Variants in LRRC8A observed in about 807,000 individuals in gnomAD.
LRRC8A encodes leucine rich repeat containing 8 VRAC subunit A.
LRRC8A carries 24 observed loss-of-function variants against 52.5 expected under a neutral mutation model. The ratio of observed to expected loss-of-function variants is 0.46; its 90% CI spans 0.33 to 0.64. The LOEUF (loss-of-function observed/expected upper bound fraction) is 0.64. Ranked by LOEUF, LRRC8A falls within the 30% of genes least tolerant of loss-of-function variation. LRRC8A has a pLI of 0.02. For missense variants in LRRC8A, 677 were observed against 1,094.7 expected (o/e 0.62, Z 5.38); for synonymous variants, 492 against 494.2 (o/e 1.00, Z 0.06).
intron 3 of LRRC8A, among the ~76,000 whole-genome samples, chr9:128,910,971 C>T (rs1376987363): frequency 1.3e-5 from 2 of 152,182 alleles, no homozygotes; most frequent in Admixed American, 6.5e-5. Context: ...GCTCTGTGTT[C>T]GCCCTGTGCC....
At chr9:128,901,278 CAT>C (rs1329500192) in intron 2 of LRRC8A, among the ~76,000 whole-genome samples, 2 of 152,148 alleles carry the variant, frequency 1.3e-5, no homozygotes, top group Non-Finnish European at 2.9e-5. Flanking sequence ...TCCTGGCCAA[CAT>C]AGTGAAACCC....
At chr9:128,891,007 A>G (rs1433931266) in intron 2 of LRRC8A, among the ~76,000 whole-genome samples, 1 of 151,432 alleles carries the variant, frequency 6.6e-6, no homozygotes, top group Non-Finnish European at 1.5e-5. Context: ...AAATTAGTCC[A>G]GGCACAGTGG....
chr9:128,915,627 G>A lies in LRRC8A; in HGVS notation c.2158-469G>A, dbSNP rs78697916. On this transcript the variant is annotated intron_variant, in intron 3 of 3. Transcript: ENST00000372600. Reference sequence around the variant, plus strand: ...GGCGTGAGCCACCGCACCCGGCCTAGGGGGTGGATTTTCTCAGCATGCTGT... The same window carrying A: ...GGCGTGAGCCACCGCACCCGGCCTAAGGGGTGGATTTTCTCAGCATGCTGT... 5.1e-3 allele frequency among the ~76,000 whole-genome samples: 771 copies of A among 152,304 alleles called. 7 individuals are homozygous for A. Among genetic ancestry groups the A allele is most frequent in the African/African-American group, 0.015 (616 of 41,574 alleles).
rs139975276 is a variant in LRRC8A, at chr9:128,883,910, G to A, written c.-116+1660G>A. Among the ~76,000 whole-genome samples the A allele has an allele frequency of 4.1e-3, 630 of 152,142 alleles. 13 individuals are homozygous for A. Among genetic ancestry groups the A allele is most frequent in the East Asian group, 0.041 (214 of 5,178 alleles). ...AATTGCTTGAACCCAGCAGGCAGAG[G>A]TTGCAGTGAGCCAAGATCGCGCCAT... On this transcript the variant is annotated intron_variant, in intron 1 of 3. Coordinates refer to ENST00000372600, the MANE Select transcript of LRRC8A (RefSeq NM_019594.4).
At chr9:128,910,322 C>A (rs891071964) in intron 3 of LRRC8A, among the ~76,000 whole-genome samples, 1 of 152,196 alleles carries the variant, frequency 6.6e-6, no homozygotes, top group Non-Finnish European at 1.5e-5. Context: ...CTTCTGCCCC[C>A]GACACAGCAG....
At chr9:128,888,450 G>A (rs995690913) in intron 2 of LRRC8A, among the ~76,000 whole-genome samples, 5 of 152,166 alleles carry the variant, frequency 3.3e-5, no homozygotes, top group Non-Finnish European at 7.4e-5. Flanking sequence ...GGGATAGGAA[G>A]GAACAGGCAG....
chr9:128,893,021 G>A (rs994278252), intron 2 of LRRC8A, among the ~76,000 whole-genome samples: 5 of 152,176 alleles, frequency 3.3e-5, no homozygotes, highest in Admixed American at 6.5e-5. Flanking sequence ...TGCGTGCTGG[G>A]GGGGTCTCTC....
At chr9:128,903,614 C>T (rs1410361303) in intron 2 of LRRC8A, among the ~76,000 whole-genome samples, 2 of 151,960 alleles carry the variant, frequency 1.3e-5, no homozygotes, top group East Asian at 3.9e-4. Context: ...GGAGTTTCAC[C>T]TTGTTAGCCA....
Position 128,908,257 on chromosome 9 carries a change from A to G in LRRC8A, c.1093A>G (p.Ile365Val). 6.2e-7 allele frequency: 1 copy of G among 1,614,134 alleles called. No homozygotes were observed. Among genetic ancestry groups the G allele is most frequent in the South Asian group, 1.1e-5 (1 of 91,084 alleles). The change falls in exon 3 of 4, where the codon ATC (isoleucine) becomes GTC (valine). Residue 365 changes from isoleucine (I) to valine (V), a missense_variant. This residue lies in a region of LRRC8A where 422 missense variants were observed against 741.5 expected (regional missense o/e 0.57). Transcript: ENST00000372600. ...SIREESSYSD[I>V]PDVKNDFAFM... ...CCGTGAGGAGAGCAGCTACAGCGACATCCCCGACGTCAAGAACGACTTCGC... is the reference window on the plus strand; with the variant it reads ...CCGTGAGGAGAGCAGCTACAGCGACGTCCCCGACGTCAAGAACGACTTCGC...
intron 2 of LRRC8A, among the ~76,000 whole-genome samples, chr9:128,886,520 C>G (rs563089611): frequency 6.6e-6 from 1 of 152,274 alleles, no homozygotes; most frequent in African/African-American, 2.4e-5. Context: ...TTCTTGTTAT[C>G]CTTGCTGCAG....
chr9:128,899,829 A>C lies in LRRC8A; in HGVS notation c.-8-7328A>C, dbSNP rs1839958963. On this transcript the variant is annotated intron_variant, in intron 2 of 3. Coordinates refer to ENST00000372600, the MANE Select transcript of LRRC8A (RefSeq NM_019594.4). The surrounding 1 kb of genome is among the most constrained non-coding windows in gnomAD (Gnocchi z 4.0). Reference sequence around the variant, plus strand: ...TGTGTATGGTGGTGATGGTTGCACAACAGTGAATGTGCTTCATGCCACTGA... The same window carrying C: ...TGTGTATGGTGGTGATGGTTGCACACCAGTGAATGTGCTTCATGCCACTGA... Among the ~76,000 whole-genome samples, 1 of 152,164 alleles carries C rather than the reference A, an allele frequency of 6.6e-6. No homozygotes were observed.
At chr9:128,904,811 G>A (rs930985732) in intron 2 of LRRC8A, among the ~76,000 whole-genome samples, 8 of 151,938 alleles carry the variant, frequency 5.3e-5, no homozygotes, top group South Asian at 2.1e-4. Flanking sequence ...TGGCTAACAC[G>A]GTGAAACCCC....
intron 1 of LRRC8A, chr9:128,883,040 C>CT: frequency 2.9e-6 from 1 of 349,298 alleles, no homozygotes; most frequent in East Asian, 4.2e-5. Context: ...GAACCGAGGT[C>CT]TGCCGGTTCT....
At chr9:128,896,454 G>A (rs961457686) in intron 2 of LRRC8A, among the ~76,000 whole-genome samples, 1 of 152,176 alleles carries the variant, frequency 6.6e-6, no homozygotes, top group African/African-American at 2.4e-5. Context: ...GGAGTTGCTG[G>A]GTTGTAGAGT....
chr9:128,887,360 C>T (rs1839436322), intron 2 of LRRC8A, among the ~76,000 whole-genome samples: 1 of 152,010 alleles, frequency 6.6e-6, no homozygotes, highest in Non-Finnish European at 1.5e-5. Flanking sequence ...GATAGAGCCT[C>T]TCTACATTGC....
chr9:128,897,101 TTTA>T (rs1839849113), intron 2 of LRRC8A, among the ~76,000 whole-genome samples: 1 of 152,200 alleles, frequency 6.6e-6, no homozygotes, highest in African/African-American at 2.4e-5. Flanking sequence ...TTTTCACTTG[TTTA>T]TTATTATGTC....
rs375759466 is a variant in LRRC8A, at chr9:128,905,877, G to A, written c.-8-1280G>A. On this transcript the variant is annotated intron_variant, in intron 2 of 3. Coordinates refer to ENST00000372600, the MANE Select transcript of LRRC8A (RefSeq NM_019594.4). The stretch of plus-strand genomic sequence containing the variant: ...AGAAAAATCAGATTTCCAGCTTCTC[G>A]CCATAGTAGTCAAACTAGACTCTCT... Among the ~76,000 whole-genome samples, 19 of 151,838 alleles carry A rather than the reference G, an allele frequency of 1.3e-4. No homozygotes were observed. In the East Asian group the frequency reaches 3.3e-3, roughly 26 times the overall value.
At chr9:128,889,826 G>A (rs1839535529) in intron 2 of LRRC8A, among the ~76,000 whole-genome samples, 1 of 151,284 alleles carries the variant, frequency 6.6e-6, no homozygotes, top group Non-Finnish European at 1.5e-5. Flanking sequence ...TTTTTGAGAT[G>A]GAATCCTGCT....
rs1347986016 is a variant in LRRC8A, at chr9:128,908,134, T to C, written c.970T>C (p.Phe324Leu). ...LATLFKILAS[F>L]YISLVIFYGL... ...CACACTCTTCAAGATCCTGGCGTCCTTCTACATCAGCCTAGTCATCTTCTA... is the reference window on the plus strand; with the variant it reads ...CACACTCTTCAAGATCCTGGCGTCCCTCTACATCAGCCTAGTCATCTTCTA... The change falls in exon 3 of 4, where the codon TTC becomes CTC. Residue 324 changes from phenylalanine (F) to leucine (L), a missense_variant. This residue lies in a region of LRRC8A where 422 missense variants were observed against 741.5 expected (regional missense o/e 0.57). Transcript: ENST00000372600. The C allele has an allele frequency of 6.2e-7, 1 of 1,614,044 alleles. No individual in the cohort carries two copies. The highest frequency in any genetic ancestry group is 8.5e-7 in the Non-Finnish European group (1 of 1,180,038).
Sources: gnomAD v4.1 joint callset for allele counts (sites outside exome capture counted in the v4.1 genomes callset) on GRCh38, gnomAD v4.1.1 for gene constraint, gnomAD v4.1.1 regional missense constraint, Gnocchi (gnomAD v3.1) non-coding constraint, MANE v1.5 for transcripts, NCBI Gene and HGNC (gene_info 2026-07-23, HGNC 2026-07-21) for gene names.